Variants in NCOA2 observed in about 807,000 individuals in gnomAD.
The protein encoded by NCOA2 is nuclear receptor coactivator 2, also known as class E basic helix-loop-helix protein 75.
NCOA2 carries 21 observed loss-of-function variants against 145.1 expected under a neutral mutation model. That is an observed-to-expected ratio of 0.14 (90% CI 0.10 to 0.21). NCOA2 has a LOEUF of 0.21. NCOA2 is among the 10% of genes least tolerant of loss of function. The pLI, the probability that NCOA2 is intolerant of heterozygous loss-of-function variation, is 1.00. For missense variants in NCOA2, 1,472 were observed against 1,837.6 expected, an observed-to-expected ratio of 0.80 and a Z score of 3.64; for synonymous variants, 619 against 637.5, an observed-to-expected ratio of 0.97 and a Z score of 0.44.
chr8:70,394,889 C>CA (rs1813518359), intron 1 of NCOA2, among the ~76,000 whole-genome samples: 1 of 152,216 alleles, frequency 6.6e-6, no homozygotes, highest in African/African-American at 2.4e-5. Context: ...ACTCCAACAA[C>CA]AAATCAGCCA....
chr8:70,341,093 A>AAAAAAAAAG (rs1328205576), intron 1 of NCOA2, among the ~76,000 whole-genome samples: 31 of 150,996 alleles, frequency 2.1e-4, no homozygotes, highest in African/African-American at 6.3e-4. Flanking sequence ...AAAAAAAAAA[A>AAAAAAAAAG]AAAAGAAACA....
the NCOA2 span, among the ~76,000 whole-genome samples, chr8:70,430,744 G>A: frequency 6.6e-6 from 1 of 152,168 alleles, no homozygotes; most frequent in African/African-American, 2.4e-5. Context: ...GGAGTGAGGA[G>A]GAAGACACAC....
At chr8:70,323,158 T>C (rs192265519) in intron 1 of NCOA2, among the ~76,000 whole-genome samples, 306 of 152,356 alleles carry the variant, frequency 2.0e-3, no homozygotes, top group African/African-American at 7.1e-3. Flanking sequence ...CTGGTCAGTA[T>C]GTACTGAGTC....
the NCOA2 span, among the ~76,000 whole-genome samples, chr8:70,424,760 A>G: frequency 6.6e-6 from 1 of 152,254 alleles, no homozygotes; most frequent in African/African-American, 2.4e-5. Flanking sequence ...TCTGTGTTGC[A>G]GTAAAACGTT....
the NCOA2 span, among the ~76,000 whole-genome samples, chr8:70,410,145 G>A: frequency 1.3e-5 from 2 of 152,130 alleles, no homozygotes; most frequent in Admixed American, 6.5e-5. Context: ...AGGAGGCAGA[G>A]GTTGCAGTGA....
the NCOA2 span, among the ~76,000 whole-genome samples, chr8:70,454,380 C>A: frequency 6.6e-6 from 1 of 152,142 alleles, no homozygotes; most frequent in Non-Finnish European, 1.5e-5. Context: ...GTGCAAAGAA[C>A]GGAACTGCTC....
intron 1 of NCOA2, among the ~76,000 whole-genome samples, chr8:70,320,897 A>G (rs1219479627): frequency 3.9e-5 from 6 of 152,188 alleles, no homozygotes; most frequent in Non-Finnish European, 8.8e-5. Context: ...TATCTCTATT[A>G]AAGAACTAAG....
At chr8:70,319,539 A>AAAATAAATAAATAAATAAATAAATAAAT (rs71558597) in intron 1 of NCOA2, among the ~76,000 whole-genome samples, 2 of 149,074 alleles carry the variant, frequency 1.3e-5, no homozygotes, top group African/African-American at 2.5e-5. Context: ...CCCTGTCTCA[A>AAAATAAATAAATAAATAAATAAATAAAT]AAATAAATAA....
chr8:70,210,401 C>A (rs896662171), intron 4 of NCOA2, among the ~76,000 whole-genome samples: 1 of 152,082 alleles, frequency 6.6e-6, no homozygotes, highest in Admixed American at 6.5e-5. Flanking sequence ...CCAAAAAAAA[C>A]CCCACCAACA....
At chr8:70,254,006 G>C (rs1823418536) in intron 2 of NCOA2, among the ~76,000 whole-genome samples, 1 of 152,140 alleles carries the variant, frequency 6.6e-6, no homozygotes, top group African/African-American at 2.4e-5. Context: ...ATAAGGGATT[G>C]ACATCCAGAA....
chr8:70,228,123 ATTACC>A (rs940815242), intron 2 of NCOA2, among the ~76,000 whole-genome samples: 3 of 152,328 alleles, frequency 2.0e-5, no homozygotes, highest in African/African-American at 7.2e-5. Context: ...GAATTTGAAA[ATTACC>A]TTGGCACCTA....
At chr8:70,200,312 T>A (rs775467700) in intron 4 of NCOA2, among the ~76,000 whole-genome samples, 2 of 152,194 alleles carry the variant, frequency 1.3e-5, no homozygotes, top group Non-Finnish European at 2.9e-5. Flanking sequence ...TCAAATATTA[T>A]TGGAGTTCAA....
At chr8:70,302,804 A>G (rs1478519117) in intron 1 of NCOA2, among the ~76,000 whole-genome samples, 2 of 152,204 alleles carry the variant, frequency 1.3e-5, no homozygotes, top group East Asian at 3.8e-4. Context: ...ATAAATTTTC[A>G]TCCTCACTAA....
chr8:70,360,666 G>A (rs530723183), intron 1 of NCOA2, among the ~76,000 whole-genome samples: 1 of 152,238 alleles, frequency 6.6e-6, no homozygotes, highest in East Asian at 1.9e-4. Context: ...GGCCGGGTGC[G>A]GTGGCTCATG....
chr8:70,225,215 C>G (rs781342413), intron 2 of NCOA2, among the ~76,000 whole-genome samples: 4 of 152,030 alleles, frequency 2.6e-5, no homozygotes, highest in Non-Finnish European at 5.9e-5. Context: ...GTAAAACAAA[C>G]AAAATATTTA....
At chr8:70,356,647 A>T (rs1809722906) in intron 1 of NCOA2, among the ~76,000 whole-genome samples, 1 of 152,256 alleles carries the variant, frequency 6.6e-6, no homozygotes, top group Non-Finnish European at 1.5e-5. Flanking sequence ...ACTACTGAAC[A>T]TCCCTAAAAG....
upstream of NCOA2, among the ~76,000 whole-genome samples, chr8:70,403,958 C>T (rs1814632753): frequency 1.3e-5 from 2 of 152,266 alleles, no homozygotes; most frequent in South Asian, 4.2e-4. Context: ...GCCGTCCCTC[C>T]CTCTGCCTCC....
chr8:70,226,660 TTA>T (rs10554067), intron 2 of NCOA2, among the ~76,000 whole-genome samples: 91,248 of 146,476 alleles, frequency 0.62, 30,473 homozygotes, highest in Non-Finnish European at 0.76. Context: ...TTTTAATTAT[TTA>T]TATATATATA....
chr8:70,377,848 CA>C (rs755425716), intron 1 of NCOA2, among the ~76,000 whole-genome samples: 3 of 151,856 alleles, frequency 2.0e-5, no homozygotes, highest in Non-Finnish European at 4.4e-5. Flanking sequence ...ATTAAATGGG[CA>C]AAAAAGCACA....
Sources: allele counts gnomAD v4.1 joint callset (sites outside exome capture counted in the v4.1 genomes callset), GRCh38; gene constraint gnomAD v4.1.1; transcripts MANE v1.5; gene names NCBI Gene and HGNC (gene_info 2026-07-23, HGNC 2026-07-21).